ENDOV: variants seen among roughly 807,000 people sequenced by gnomAD.
The protein encoded by ENDOV is hEndoV.
Under a neutral mutation model 39.4 loss-of-function variants are expected in ENDOV, and 37 were observed. The ratio of observed to expected loss-of-function variants is 0.94; its 90% CI spans 0.72 to 1.23. The LOEUF is 1.23. Ranked by LOEUF, ENDOV falls within the 50% of genes most tolerant of loss-of-function variation. ENDOV has a pLI of 0.00. For synonymous variants in ENDOV, 186 were observed against 163.4 expected, an observed-to-expected ratio of 1.14 and a Z score of -1.05; for missense variants, 441 against 375.7, an observed-to-expected ratio of 1.17 and a Z score of -1.44.
At chr17:80,427,025 C>T (rs1237361624) in intron 7 of ENDOV, among the ~76,000 whole-genome samples, 2 of 152,256 alleles carry the variant, frequency 1.3e-5, no homozygotes, top group Non-Finnish European at 2.9e-5. Context: ...GGGCCGGGGC[C>T]TTCCGGCTGC....
At chr17:80,419,445 T>C (rs1437949167) in intron 2 of ENDOV, 8 of 630,776 alleles carry the variant, frequency 1.3e-5, no homozygotes, top group Admixed American at 2.2e-5. Context: ...GCCCATTCCA[T>C]GCCAGATGCT....
chr17:80,433,084 G>A (rs1283562553), intron 9 of ENDOV: 6 of 519,678 alleles, frequency 1.2e-5, no homozygotes, highest in African/African-American at 1.9e-5. Context: ...ATGCCCTCCT[G>A]ACTTCTAGAG....
intron 2 of ENDOV, chr17:80,419,996 C>T: frequency 3.1e-6 from 1 of 323,862 alleles, no homozygotes; most frequent in Non-Finnish European, 5.9e-6. Flanking sequence ...AATGTACATA[C>T]ATCCCCCCAA....
chr17:80,433,758 G>A (rs1368580517), intron 9 of ENDOV, among the ~76,000 whole-genome samples: 2 of 152,166 alleles, frequency 1.3e-5, no homozygotes, highest in Non-Finnish European at 2.9e-5. Flanking sequence ...TAAAACCGTT[G>A]GTTCCTCAAG....
chr17:80,419,823 G>C (rs2081750931), intron 2 of ENDOV: 1 of 621,668 alleles, frequency 1.6e-6, no homozygotes, highest in African/African-American at 1.8e-5. Flanking sequence ...CAAGTCCCTA[G>C]ACCTAACTGT....
chr17:80,415,525 C>T (rs949576557), intron 1 of ENDOV, 125 bp from the exon 2 acceptor site: 8 of 1,274,584 alleles, frequency 6.3e-6, no homozygotes, highest in Non-Finnish European at 8.6e-6. Flanking sequence ...GGCGGTATGT[C>T]CCTTGCTTTC....
intron 7 of ENDOV, among the ~76,000 whole-genome samples, chr17:80,428,223 C>T (rs564792512): frequency 2.0e-5 from 3 of 152,334 alleles, no homozygotes; most frequent in East Asian, 1.9e-4. Flanking sequence ...AGGGAAGCCT[C>T]GGCTTGCGCA....
intron 7 of ENDOV, among the ~76,000 whole-genome samples, 183 bp downstream of exon 7, chr17:80,425,803 A>G (rs1453400459): frequency 1.3e-5 from 2 of 152,172 alleles, no homozygotes; most frequent in African/African-American, 4.8e-5. Flanking sequence ...CAGTCAGGAC[A>G]GTAGACTGGG....
intron 5 of ENDOV, 107 bp from the exon 6 acceptor site, chr17:80,424,925 A>C (rs2082496857): frequency 2.2e-6 from 2 of 920,682 alleles, no homozygotes; most frequent in Admixed American, 4.5e-5. Context: ...ACTGTACTTC[A>C]GCCTGGGCAA....
At position 80,428,623 on chromosome 17, in the gene ENDOV, C is replaced by T. The variant is rs202048384; in HGVS notation, c.742C>T (p.Arg248Cys). 51 of 1,586,126 alleles carry T rather than the reference C, an allele frequency of 3.2e-5. No homozygotes were observed. In the Middle Eastern group the frequency reaches 9.9e-4, roughly 31 times the overall value. ...TGACATCTGCTCCCGAGAGCACATC[C>T]GCAAGTCGCTGGGACTCCCCGGGCC... ...QADICSREHI[R>C]KSLGLPGPPT... Residue 248 changes from arginine to cysteine, a missense_variant, in exon 8 of 10, where the codon CGC becomes TGC. Physicochemically the swap from Arg to Cys is radical, Grantham distance 180. Coordinates refer to ENST00000518137, the MANE Select transcript of ENDOV (RefSeq NM_173627.5).
At chr17:80,434,770 A>G (rs535731173) in intron 9 of ENDOV, among the ~76,000 whole-genome samples, 23 of 152,258 alleles carry the variant, frequency 1.5e-4, no homozygotes, top group African/African-American at 5.3e-4. Context: ...ACATAGTGAG[A>G]CCTCATCTCT....
intron 2 of ENDOV, chr17:80,419,673 T>C (rs1599327811): frequency 1.4e-6 from 1 of 702,914 alleles, no homozygotes; most frequent in Non-Finnish European, 2.6e-6. Context: ...GCCTGCTCCT[T>C]GACCACACTG....
chr17:80,436,439 A>G lies in ENDOV; in HGVS notation c.*296A>G. On this transcript the variant is annotated 3_prime_UTR_variant, in exon 10 of 10. Transcript: ENST00000518137. ...AAGGATGCTCTTCATCCAGCTGAAG[A>G]CGGTCCCTTCTAGTCCTAATTTGTT... The G allele has an allele frequency of 8.1e-7, 1 of 1,230,470 alleles. No homozygotes were observed. The highest frequency in any genetic ancestry group is 1.1e-6 in the Non-Finnish European group (1 of 934,730). 76.2% of individuals were successfully genotyped at this position (1,230,470 alleles called of 1,614,324 possible).
rs1266859982 is a variant in ENDOV, at chr17:80,437,825, A to G, written c.*1682A>G. On this transcript the variant is annotated 3_prime_UTR_variant, in exon 10 of 10. Coordinates refer to ENST00000518137, the MANE Select transcript of ENDOV (RefSeq NM_173627.5). ...ACATGAGAAAATGTTGGCCAAGGTTAGCGATTATGCTTCTGTAATCTGTAA... is the reference window on the plus strand; with the variant it reads ...ACATGAGAAAATGTTGGCCAAGGTTGGCGATTATGCTTCTGTAATCTGTAA... The G allele has an allele frequency of 2.6e-5, 4 of 152,334 alleles. No individual in the cohort carries two copies. In the East Asian group the frequency reaches 7.7e-4, roughly 29 times the overall value. The allele number at this position is 152,334 out of a possible 1,614,324, so 9.4% of individuals were successfully genotyped here. A position where few individuals can be genotyped will look rare whatever the true frequency, so the allele number is the denominator to read the frequency against.
rs770545705 is a variant in ENDOV, at chr17:80,425,583, GCTGCTGCA to G, written c.678_685del (p.Cys226TrpfsTer12). The G allele has an allele frequency of 1.1e-5, 18 of 1,591,080 alleles. No individual in the cohort carries two copies. The South Asian group carries it at 2.1e-4, about 18-fold the overall frequency. Reference sequence around the variant, plus strand: ...GAGGCCGCTGTGCGCCTGACTTGCTGCTGCTGCAGGTTCCGGATCCCAGAGCCCGTGCG... The same window carrying G: ...GAGGCCGCTGTGCGCCTGACTTGCTGGGTTCCGGATCCCAGAGCCCGTGCG... On this transcript the variant is annotated frameshift_variant, in exon 7 of 10. Transcript: ENST00000518137. LOFTEE classifies it high-confidence loss of function.
rs371966063 is a variant in ENDOV, at chr17:80,428,593, C to A, written c.715-3C>A. On this transcript the variant is annotated splice_polypyrimidine_tract_variant and splice_region_variant and intron_variant, in intron 7 of 9. Transcript: ENST00000518137. ...CACCCAGCAGCACGTCTGTCTCCCC[C>A]AGGCTGACATCTGCTCCCGAGAGCA... 2.5e-6 allele frequency: 4 copies of A among 1,579,184 alleles called. No individual in the cohort carries two copies. The South Asian group carries it at 3.5e-5, about 14-fold the overall frequency.
chr17:80,434,236 G>C (rs2083480938), intron 9 of ENDOV, among the ~76,000 whole-genome samples: 1 of 152,172 alleles, frequency 6.6e-6, no homozygotes. Context: ...CCTTCTCTTG[G>C]CATAATGTTT....
chr17:80,424,100 C>T (rs2082396572), intron 5 of ENDOV: 2 of 395,922 alleles, frequency 5.1e-6, no homozygotes, highest in Non-Finnish European at 8.9e-6. Flanking sequence ...CCTTCCCCTG[C>T]ATCTTCCTCC....
chr17:80,415,419 G>T, intron 1 of ENDOV, 169 bp downstream of exon 1: 2 of 1,021,746 alleles, frequency 2.0e-6, no homozygotes, highest in Non-Finnish European at 2.8e-6. Flanking sequence ...AGGAATTGTA[G>T]TCCGCGGGGT....
Sources: gnomAD v4.1 joint callset for allele counts (sites outside exome capture counted in the v4.1 genomes callset) on GRCh38, gnomAD v4.1.1 for gene constraint, MANE v1.5 for transcripts, NCBI Gene and HGNC (gene_info 2026-07-23, HGNC 2026-07-21) for gene names.